Variants in OTOF observed in about 807,000 individuals in gnomAD.
OTOF encodes otoferlin.
Under a neutral mutation model 236.8 loss-of-function variants are expected in OTOF, and 218 were observed. That is an observed-to-expected ratio of 0.92 (90% CI 0.82 to 1.03). The LOEUF (loss-of-function observed/expected upper bound fraction) is 1.03, where lower values mean the gene tolerates loss of function less well. OTOF is among the 50% of genes least tolerant of loss of function. The probability of loss-of-function intolerance (pLI) is 0.00; values close to 1 mark genes in which losing one functional copy is unlikely to be tolerated. For missense variants in OTOF, 2,590 were observed against 2,694.4 expected, an observed-to-expected ratio of 0.96 and a Z score of 0.86; for synonymous variants, 1,041 against 1,072.5, an observed-to-expected ratio of 0.97 and a Z score of 0.57.
At chr2:26,495,423 G>A (rs1486924518) in intron 8 of OTOF, among the ~76,000 whole-genome samples, 1 of 152,070 alleles carries the variant, frequency 6.6e-6, no homozygotes, top group Non-Finnish European at 1.5e-5. Context: ...TGCAGCTCAG[G>A]CATCTGTATT....
intron 29 of OTOF, 30 bp from the exon 30 acceptor site, chr2:26,472,679 C>G: frequency 3.1e-6 from 5 of 1,610,518 alleles, no homozygotes; most frequent in South Asian, 1.1e-5. Context: ...GACAGACAGG[C>G]AGAGGAAGGA....
chr2:26,466,616 C>T (rs939921843), intron 36 of OTOF, 98 bp downstream of exon 36: 58 of 1,425,738 alleles, frequency 4.1e-5, no homozygotes, highest in Middle Eastern at 1.7e-4. Context: ...GGATTACAGG[C>T]GTAAACCATT....
intron 46 of OTOF, among the ~76,000 whole-genome samples, chr2:26,459,516 C>T (rs1664352556): frequency 6.9e-6 from 1 of 144,382 alleles, no homozygotes; most frequent in Admixed American, 7.1e-5. Flanking sequence ...TGTGCCACTG[C>T]ACTCTAGCCT....
At chr2:26,503,953 G>T in intron 5 of OTOF, 108 bp from the exon 6 acceptor site, 1 of 991,942 alleles carries the variant, frequency 1.0e-6, no homozygotes. Flanking sequence ...AAGGGAGATG[G>T]ACCCGGCCCC....
In OTOF at chr2:26,473,981, G is replaced by A. The variant is rs779260026; in HGVS notation, c.3408+10C>T. 3.1e-6 allele frequency: 5 copies of A among 1,612,702 alleles called. No individual in the cohort carries two copies. The African/African-American group carries it at 5.3e-5, about 17-fold the overall frequency. On this transcript the variant is annotated intron_variant, in intron 27 of 46. Coordinates refer to ENST00000272371, the MANE Select transcript of OTOF (RefSeq NM_194248.3). This position sits in a 1 kb window ranked among gnomAD's most constrained non-coding sequence, Gnocchi z 7.2. ...ATCCAAAAGGGAAGGGCCACACAGAGCCCTCGCACCTCCACTCGGTACTTG... is the reference window on the plus strand; with the variant it reads ...ATCCAAAAGGGAAGGGCCACACAGAACCCTCGCACCTCCACTCGGTACTTG...
intron 33 of OTOF, among the ~76,000 whole-genome samples, chr2:26,467,794 A>G (rs1226477465): frequency 1.3e-5 from 2 of 151,974 alleles, no homozygotes; most frequent in Non-Finnish European, 1.5e-5. Context: ...TTCCTTGCCC[A>G]CTCACTTTCC....
In OTOF at chr2:26,528,045, C is replaced by T. The variant is rs975393132; in HGVS notation, c.139-125G>A. On this transcript the variant is annotated intron_variant, in intron 2 of 46. Transcript: ENST00000272371. The stretch of plus-strand genomic sequence containing the variant: ...TGGCCCCTCACTTGGGCCCAGTGCT[C>T]CCCAGGGACAAAGCATTGACACCTG... 5 of 733,928 alleles carry T rather than the reference C, an allele frequency of 6.8e-6. No individual in the cohort carries two copies. In the Admixed American group the frequency reaches 9.9e-5, roughly 15 times the overall value. 45.5% of individuals were successfully genotyped at this position (733,928 alleles called of 1,614,324 possible).
intron 2 of OTOF, among the ~76,000 whole-genome samples, chr2:26,535,033 A>C (rs903794125): frequency 2.0e-5 from 3 of 152,204 alleles, no homozygotes; most frequent in African/African-American, 7.2e-5. Flanking sequence ...GACTGGGCTG[A>C]CCCAGGCCTC....
intron 46 of OTOF, among the ~76,000 whole-genome samples, chr2:26,458,581 C>T (rs1277068817): frequency 4.6e-5 from 7 of 152,162 alleles, no homozygotes; most frequent in Middle Eastern, 3.2e-3. Context: ...ACAACCTCTT[C>T]CTTTCTGATG....
intron 5 of OTOF, among the ~76,000 whole-genome samples, chr2:26,505,719 C>T (rs897897910): frequency 6.6e-6 from 1 of 152,192 alleles, no homozygotes; most frequent in Admixed American, 6.5e-5. Flanking sequence ...GCCTCGATGC[C>T]GTAGGACTGC....
At chr2:26,483,914 A>C (rs1187484612) in intron 12 of OTOF, among the ~76,000 whole-genome samples, 1 of 152,232 alleles carries the variant, frequency 6.6e-6, no homozygotes, top group Non-Finnish European at 1.5e-5. Context: ...AAGCACGCTA[A>C]AACATATGAG....
intron 46 of OTOF, among the ~76,000 whole-genome samples, chr2:26,459,318 C>T (rs575480209): frequency 6.6e-6 from 1 of 151,978 alleles, no homozygotes; most frequent in Non-Finnish European, 1.5e-5. Context: ...TTTGGGAGGC[C>T]GAGATGGGCG....
chr2:26,546,104 A>T (rs894834957), intron 1 of OTOF, among the ~76,000 whole-genome samples: 1 of 152,214 alleles, frequency 6.6e-6, no homozygotes, highest in Non-Finnish European at 1.5e-5. Context: ...TATATGTATT[A>T]TGTACTGTAC....
chr2:26,544,380 G>C (rs1463850659), intron 1 of OTOF, among the ~76,000 whole-genome samples: 1 of 152,130 alleles, frequency 6.6e-6, no homozygotes, highest in Non-Finnish European at 1.5e-5. Flanking sequence ...CTGATTTCTA[G>C]CACCAAAGAT....
At chr2:26,522,406 C>T (rs1230141113) in intron 3 of OTOF, among the ~76,000 whole-genome samples, 1 of 152,196 alleles carries the variant, frequency 6.6e-6, no homozygotes, top group Non-Finnish European at 1.5e-5. Flanking sequence ...TGCCATCCCT[C>T]AGCCCGTCTT....
chr2:26,491,024 T>A (rs771252660), intron 9 of OTOF, among the ~76,000 whole-genome samples: 14 of 152,038 alleles, frequency 9.2e-5, no homozygotes, highest in Non-Finnish European at 1.9e-4. Context: ...ATGGAGGAGA[T>A]ACCTGGGGAG....
chr2:26,519,593 A>G (rs1000139553), intron 3 of OTOF, among the ~76,000 whole-genome samples: 2 of 152,160 alleles, frequency 1.3e-5, no homozygotes, highest in Non-Finnish European at 2.9e-5. Context: ...GATGGCAGGA[A>G]CCTGTGTGAT....
rs1665119958 is a variant in OTOF, at chr2:26,473,876, T to G, written c.3408+115A>C. 1 of 1,396,234 alleles carries G rather than the reference T, an allele frequency of 7.2e-7. No individual in the cohort carries two copies. The highest frequency in any genetic ancestry group is 1.0e-6 in the Non-Finnish European group (1 of 985,872). 86.5% of individuals were successfully genotyped at this position (1,396,234 alleles called of 1,614,324 possible). A position where few individuals can be genotyped will look rare whatever the true frequency, so the allele number is the denominator to read the frequency against. On this transcript the variant is annotated intron_variant, in intron 27 of 46. Coordinates refer to ENST00000272371, the MANE Select transcript of OTOF (RefSeq NM_194248.3). This position sits in a 1 kb window ranked among gnomAD's most constrained non-coding sequence, Gnocchi z 7.2. ...CAGGCCCTGGGCTGGGGCAGGAGCC[T>G]GGGTCTGCTGCTGGCTCCTGGTGAT...
At position 26,516,442 on chromosome 2, in the gene OTOF, G is replaced by A. The variant is rs1269883642; in HGVS notation, c.485C>T (p.Pro162Leu). The A allele has an allele frequency of 1.9e-6, 3 of 1,613,938 alleles. No individual in the cohort carries two copies. The highest frequency in any genetic ancestry group is 2.5e-6 in the Non-Finnish European group (3 of 1,179,932). ...LLPGSRPSSR[P>L]PGEKSFRRAG... The stretch of plus-strand genomic sequence containing the variant: ...CCTCCGGAAGCTCTTCTCTCCTGGG[G>A]GCCGGGAGCTGGGCCGGGAGCCTGG... The change falls in exon 5 of 47, where the codon CCC (proline) becomes CTC (leucine). Residue 162 changes from proline (P) to leucine (L), a missense_variant. Physicochemically the swap from Pro to Leu is moderately conservative, Grantham distance 98. Coordinates refer to ENST00000272371, the MANE Select transcript of OTOF (RefSeq NM_194248.3).
Sources: allele counts gnomAD v4.1 joint callset (sites outside exome capture counted in the v4.1 genomes callset), GRCh38; gene constraint gnomAD v4.1.1; non-coding constraint Gnocchi (gnomAD v3.1); transcripts MANE v1.5; gene names NCBI Gene and HGNC (gene_info 2026-07-23, HGNC 2026-07-21).